NAV1: variants seen among roughly 807,000 people sequenced by gnomAD.
NAV1 encodes the protein pore membrane and/or filament interacting like protein 3.
Under a neutral mutation model 175.2 loss-of-function variants are expected in NAV1, and 18 were observed. The observed-to-expected ratio is 0.10, with a 90% CI of 0.07 to 0.15. The LOEUF (loss-of-function observed/expected upper bound fraction) is 0.15, where lower values mean the gene tolerates loss of function less well. Ranked by LOEUF, NAV1 falls within the 10% of genes least tolerant of loss-of-function variation. The pLI is 1.00. For missense variants in NAV1, 1,731 were observed against 2,436.6 expected (o/e 0.71, Z 6.10); for synonymous variants, 897 against 978.7 (o/e 0.92, Z 1.56).
chr1:201,544,252 G>A (rs1340526377), intron 1 of NAV1, among the ~76,000 whole-genome samples: 1 of 152,214 alleles, frequency 6.6e-6, no homozygotes, highest in East Asian at 1.9e-4. Flanking sequence ...TGCACTGTGA[G>A]GGTTAGAACT....
chr1:201,642,525 T>TTTCTTTCTTTC (rs1553247052), intron 2 of NAV1, among the ~76,000 whole-genome samples: 6,527 of 100,294 alleles, frequency 0.065, 404 homozygotes, highest in South Asian at 0.086. Flanking sequence ...TTCTTTCTTT[T>TTTCTTTCTTTC]TTTCTTTCTT....
chr1:201,756,884 C>CTTTCTTTG (rs1674543323), intron 3 of NAV1, among the ~76,000 whole-genome samples: 1 of 110,458 alleles, frequency 9.1e-6, no homozygotes, highest in Non-Finnish European at 1.9e-5. Context: ...TTCTTTCTTT[C>CTTTCTTTG]TCTGTCTTTC....
chr1:201,702,699 T>C (rs1184029806), intron 1 of NAV1, among the ~76,000 whole-genome samples: 1 of 150,568 alleles, frequency 6.6e-6, no homozygotes, highest in Non-Finnish European at 1.5e-5. Context: ...TCTCTCTCTC[T>C]CTCTCTCTCT....
exon 1 of NAV1, chr1:201,649,147 C>G (rs1669088377): frequency 1.2e-6 from 2 of 1,611,966 alleles, no homozygotes; most frequent in Non-Finnish European, 1.7e-6. Flanking sequence ...GCCAAGACCC[C>G]CCTGGCTCCG....
chr1:201,817,030 T>C, intron 28 of NAV1, 58 bp from the exon 33 acceptor site: 1 of 1,531,930 alleles, frequency 6.5e-7, no homozygotes, highest in Non-Finnish European at 9.0e-7. Flanking sequence ...AAAGACTGCA[T>C]GAACAAGCCT....
chr1:201,608,369 G>T (rs1667749626), intron 2 of NAV1, among the ~76,000 whole-genome samples: 2 of 152,108 alleles, frequency 1.3e-5, no homozygotes, highest in Admixed American at 1.3e-4. Flanking sequence ...ATCCAAGTCT[G>T]CGAATGCCAG....
chr1:201,738,071 G>T (rs1341105196), intron 3 of NAV1, among the ~76,000 whole-genome samples: 1 of 152,008 alleles, frequency 6.6e-6, no homozygotes, highest in Non-Finnish European at 1.5e-5. Context: ...CATCATCCTG[G>T]AATGAAATGG....
intron 2 of NAV1, among the ~76,000 whole-genome samples, chr1:201,617,704 G>C (rs750405062): frequency 6.6e-6 from 1 of 152,110 alleles, no homozygotes; most frequent in Admixed American, 6.5e-5. Flanking sequence ...CTCCAGCCTG[G>C]GCCCTGTCTC....
At chr1:201,727,848 C>A (rs762456394) in intron 3 of NAV1, among the ~76,000 whole-genome samples, 2 of 152,196 alleles carry the variant, frequency 1.3e-5, no homozygotes, top group Non-Finnish European at 2.9e-5. Context: ...AGCTCCCATT[C>A]ATTATTGGCT....
At chr1:201,783,878 C>T (rs145091220) in intron 7 of NAV1, 26 bp downstream of exon 11, 140 of 1,573,962 alleles carry the variant, frequency 8.9e-5, no homozygotes, top group East Asian at 2.0e-4. Flanking sequence ...AGCAGAACCT[C>T]GGCCTGTCTC....
chr1:201,686,572 C>G (rs1412119176), intron 1 of NAV1, among the ~76,000 whole-genome samples: 1 of 152,154 alleles, frequency 6.6e-6, no homozygotes, highest in Non-Finnish European at 1.5e-5. Flanking sequence ...ATTTCCTGAC[C>G]ACATTTCTTT....
intron 1 of NAV1, among the ~76,000 whole-genome samples, chr1:201,675,592 T>C (rs1449801168): frequency 6.6e-6 from 1 of 152,202 alleles, no homozygotes; most frequent in African/African-American, 2.4e-5. Context: ...TGTATTTTAC[T>C]CATCCCAGAG....
At chr1:201,670,755 G>A (rs1670011040) in intron 1 of NAV1, among the ~76,000 whole-genome samples, 2 of 152,018 alleles carry the variant, frequency 1.3e-5, no homozygotes, top group South Asian at 2.1e-4. Flanking sequence ...GATGGTGGTG[G>A]AGATGCTGGT....
chr1:201,811,795 G>C, intron 25 of NAV1, 38 bp downstream of exon 29: 1 of 1,605,616 alleles, frequency 6.2e-7, no homozygotes, highest in Non-Finnish European at 8.5e-7. Flanking sequence ...TCATCGAAGT[G>C]GGAGGAGGGA....
intron 1 of NAV1, among the ~76,000 whole-genome samples, chr1:201,697,290 G>A (rs1571890918): frequency 1.3e-5 from 2 of 152,150 alleles, no homozygotes; most frequent in South Asian, 2.1e-4. Flanking sequence ...GACACAGCAG[G>A]CTTTTCCAGA....
chr1:201,725,810 T>C (rs1033043868), intron 3 of NAV1, among the ~76,000 whole-genome samples: 1 of 151,570 alleles, frequency 6.6e-6, no homozygotes, highest in African/African-American at 2.4e-5. Flanking sequence ...AATTAAAACT[T>C]AACTGGGCAT....
intron 3 of NAV1, among the ~76,000 whole-genome samples, chr1:201,734,455 GGAGGAGGAGGAGGAA>G (rs1057377828): frequency 8.3e-6 from 1 of 120,702 alleles, no homozygotes; most frequent in Non-Finnish European, 1.9e-5. Context: ...AAGAAGAGGA[GGAGGAGGAGGAGGAA>G]GAGGAGGAGG....
At chr1:201,559,866 A>T (rs538823400) in intron 1 of NAV1, among the ~76,000 whole-genome samples, 5 of 152,150 alleles carry the variant, frequency 3.3e-5, no homozygotes, top group Non-Finnish European at 5.9e-5. Flanking sequence ...ACCCAGCCCG[A>T]TCCCCACGCC....
chr1:201,781,313 A>C lies in NAV1; in HGVS notation c.1663+4A>C, dbSNP rs2102708004. ...CAGAGTGCCCTCAAAGTCGCAGGTG[A>C]GCCTGGAATAAAGGAAGGTACAAGG... On this transcript the variant is annotated splice_donor_region_variant and intron_variant, in intron 5 of 29. Coordinates refer to ENST00000367296, the Ensembl canonical transcript of NAV1. The C allele has an allele frequency of 6.2e-7, 1 of 1,601,856 alleles. No homozygotes were observed. Among genetic ancestry groups the C allele is most frequent in the South Asian group, 1.1e-5 (1 of 89,260 alleles).
Sources: gnomAD v4.1 joint callset for allele counts (sites outside exome capture counted in the v4.1 genomes callset) on GRCh38, gnomAD v4.1.1 for gene constraint, MANE v1.5 for transcripts, NCBI Gene and HGNC (gene_info 2026-07-23, HGNC 2026-07-21) for gene names.